Variants in ARL5A observed in about 807,000 individuals in gnomAD.
The protein encoded by ARL5A is ADP-ribosylation factor-like protein 5A.
In ARL5A, 18 loss-of-function variants were observed where a neutral mutation model predicts 25.9. The ratio of observed to expected loss-of-function variants is 0.69; its 90% CI spans 0.48 to 1.03. The LOEUF (loss-of-function observed/expected upper bound fraction) is 1.03, where lower values mean the gene tolerates loss of function less well. ARL5A is among the 50% of genes least tolerant of loss of function. ARL5A has a pLI of 0.00. For synonymous variants in ARL5A, 61 were observed against 67.5 expected (o/e 0.90, Z 0.47); for missense variants, 170 against 211.9 (o/e 0.80, Z 1.23).
chr2:151,826,647 C>A (rs924938733), intron 1 of ARL5A, among the ~76,000 whole-genome samples: 1 of 152,164 alleles, frequency 6.6e-6, no homozygotes, highest in Admixed American at 6.5e-5. Flanking sequence ...ACTATAAGTA[C>A]CATCAGTCTT....
intron 1 of ARL5A, among the ~76,000 whole-genome samples, chr2:151,825,577 C>T (rs2099832943): frequency 6.6e-6 from 1 of 152,066 alleles, no homozygotes; most frequent in Non-Finnish European, 1.5e-5. Flanking sequence ...TTTTCTAGTT[C>T]GAGCGGTATA....
chr2:151,822,002 A>G (rs1343868345), intron 1 of ARL5A, among the ~76,000 whole-genome samples: 1 of 151,842 alleles, frequency 6.6e-6, no homozygotes, highest in Non-Finnish European at 1.5e-5. Flanking sequence ...GGTGCGCACC[A>G]CCACGCCCAG....
intron 1 of ARL5A, among the ~76,000 whole-genome samples, chr2:151,823,349 T>C (rs1447289451): frequency 1.3e-5 from 2 of 152,244 alleles, no homozygotes; most frequent in South Asian, 2.1e-4. Flanking sequence ...AAAAAGAAAG[T>C]TTGAAAATAA....
intron 1 of ARL5A, among the ~76,000 whole-genome samples, chr2:151,816,221 T>C (rs76631482): frequency 6.6e-6 from 1 of 152,132 alleles, no homozygotes; most frequent in Admixed American, 6.5e-5. Context: ...TAAGCCCAAG[T>C]TGATCATGTG....
In ARL5A at chr2:151,800,876, A is replaced by G. The variant is rs2099829324; in HGVS notation, c.*2400T>C. On this transcript the variant is annotated 3_prime_UTR_variant, in exon 6 of 6. Coordinates refer to ENST00000295087, the MANE Select transcript of ARL5A (RefSeq NM_012097.4). The stretch of plus-strand genomic sequence containing the variant: ...ATCTTTGTTCTTCTCAGAGCTGAAC[A>G]CAATGACTCCACGAGATGTTTTCAC... The G allele has an allele frequency of 6.6e-6, 1 of 152,652 alleles. No homozygotes were observed. The highest frequency in any genetic ancestry group is 6.5e-5 in the Admixed American group (1 of 15,284). The allele number at this position is 152,652 out of a possible 1,614,324, so 9.5% of individuals were successfully genotyped here.
At chr2:151,804,430 T>C (rs1485222415) in intron 5 of ARL5A, among the ~76,000 whole-genome samples, 1 of 152,186 alleles carries the variant, frequency 6.6e-6, no homozygotes, top group Non-Finnish European at 1.5e-5. Flanking sequence ...TGTTACAATA[T>C]TAAATTTTTT....
chr2:151,799,867 G>C lies in ARL5A; in HGVS notation c.*3409C>G, dbSNP rs1461137020. On this transcript the variant is annotated 3_prime_UTR_variant, in exon 6 of 6. Transcript: ENST00000295087. ...AAAGTTTAGAATAACCTCCAGGACA[G>C]AGATCTCTTCACTAATAGTAAATGA... is the stretch of plus-strand genomic sequence containing the variant. 4 of 152,340 alleles carry C rather than the reference G, an allele frequency of 2.6e-5. No homozygotes were observed. In the East Asian group the frequency reaches 7.7e-4, roughly 29 times the overall value. 9.4% of individuals were successfully genotyped at this position (152,340 alleles called of 1,614,324 possible).
intron 5 of ARL5A, among the ~76,000 whole-genome samples, chr2:151,805,239 A>C (rs1019853945): frequency 1.3e-5 from 2 of 151,954 alleles, no homozygotes; most frequent in Non-Finnish European, 2.9e-5. Context: ...TAATTAAAAA[A>C]CCTTTTTTAA....
chr2:151,825,533 T>C (rs923203774), intron 1 of ARL5A, among the ~76,000 whole-genome samples: 1 of 152,210 alleles, frequency 6.6e-6, no homozygotes, highest in Admixed American at 6.5e-5. Context: ...TGTACTCTAC[T>C]GAATCTCAGT....
rs1232621815 is a variant in ARL5A, at chr2:151,821,783, T to C, written c.46+6348A>G. Among the ~76,000 whole-genome samples the C allele has an allele frequency of 6.2e-5, 6 of 96,552 alleles. No homozygotes were observed. In the South Asian group the frequency reaches 1.1e-3, roughly 17 times the overall value. 63.3% of individuals were successfully genotyped at this position (96,552 alleles called of 152,430 possible). A position where few individuals can be genotyped will look rare whatever the true frequency, so the allele number is the denominator to read the frequency against. On this transcript the variant is annotated intron_variant, in intron 1 of 5. Transcript: ENST00000295087. ...CTACCATGCCCGGCTTTCTTTTTTT[T>C]TTTTTCTTTTTTTTTTTTTTTTTTG...
intron 1 of ARL5A, among the ~76,000 whole-genome samples, chr2:151,821,775 CT>C (rs760341359): frequency 0.014 from 1,630 of 113,504 alleles, 28 homozygotes; most frequent in African/African-American, 0.044. Flanking sequence ...GCCCGGCTTT[CT>C]TTTTTTTTTT....
intron 4 of ARL5A, among the ~76,000 whole-genome samples, chr2:151,811,191 A>C (rs914637262): frequency 6.6e-6 from 1 of 152,228 alleles, no homozygotes; most frequent in African/African-American, 2.4e-5. Context: ...GGTTCCCTAA[A>C]GCCCTGAAAG....
At chr2:151,827,312 T>C (rs2099833196) in intron 1 of ARL5A, among the ~76,000 whole-genome samples, 1 of 152,250 alleles carries the variant, frequency 6.6e-6, no homozygotes, top group Non-Finnish European at 1.5e-5. Context: ...CATGGCCATG[T>C]CTGAAGTTGG....
At chr2:151,808,625 C>T (rs1344173177) in intron 4 of ARL5A, among the ~76,000 whole-genome samples, 1 of 152,182 alleles carries the variant, frequency 6.6e-6, no homozygotes, top group Non-Finnish European at 1.5e-5. Context: ...ACTAGTTTCA[C>T]CTATATTTCA....
intron 1 of ARL5A, among the ~76,000 whole-genome samples, chr2:151,816,280 C>T (rs2099831485): frequency 6.6e-6 from 1 of 152,120 alleles, no homozygotes; most frequent in Admixed American, 6.6e-5. Context: ...TCTCTTCCAG[C>T]CATTCTAGCT....
In ARL5A at chr2:151,802,747, A is replaced by G. The variant is rs2099829599; in HGVS notation, c.*529T>C. On this transcript the variant is annotated 3_prime_UTR_variant, in exon 6 of 6. Coordinates refer to ENST00000295087, the MANE Select transcript of ARL5A (RefSeq NM_012097.4). ...TGTGGTTATAACGAAGGATATTATT[A>G]TTTGTGTTATTTTTGTCTGGAACAT... 1 of 153,178 alleles carries G rather than the reference A, an allele frequency of 6.5e-6. No individual in the cohort carries two copies. Among genetic ancestry groups the G allele is most frequent in the African/African-American group, 2.4e-5 (1 of 41,438 alleles). The allele number at this position is 153,178 out of a possible 1,614,324, so 9.5% of individuals were successfully genotyped here.
In ARL5A at chr2:151,802,135, C is replaced by T. The variant is rs1299677936; in HGVS notation, c.*1141G>A. Reference sequence around the variant, plus strand: ...AAATTTAGAAATAAAAAATCTCACACTATATTCCAAGTACCAAAATAAGAA... The same window carrying T: ...AAATTTAGAAATAAAAAATCTCACATTATATTCCAAGTACCAAAATAAGAA... On this transcript the variant is annotated 3_prime_UTR_variant, in exon 6 of 6. Transcript: ENST00000295087. 2 of 152,082 alleles carry T rather than the reference C, an allele frequency of 1.3e-5. No individual in the cohort carries two copies. The highest frequency in any genetic ancestry group is 2.9e-5 in the Non-Finnish European group (2 of 67,964). 9.4% of individuals were successfully genotyped at this position (152,082 alleles called of 1,614,324 possible).
intron 5 of ARL5A, among the ~76,000 whole-genome samples, chr2:151,803,667 C>T (rs759240009): frequency 1.3e-5 from 2 of 152,148 alleles, no homozygotes; most frequent in South Asian, 2.1e-4. Flanking sequence ...GCCACCACAC[C>T]CAGCTAATAC....
intron 4 of ARL5A, among the ~76,000 whole-genome samples, chr2:151,809,944 G>A (rs1465274589): frequency 3.9e-5 from 6 of 152,074 alleles, no homozygotes; most frequent in South Asian, 4.1e-4. Context: ...ATTAGCTGGC[G>A]TGGTGGTGGG....
Sources: gnomAD v4.1 joint callset for allele counts (sites outside exome capture counted in the v4.1 genomes callset) on GRCh38, gnomAD v4.1.1 for gene constraint, MANE v1.5 for transcripts, NCBI Gene and HGNC (gene_info 2026-07-23, HGNC 2026-07-21) for gene names.